ACOT7: variants seen among roughly 807,000 people sequenced by gnomAD.
ACOT7 encodes the protein acyl-CoA thioesterase 7, also known as cytosolic acyl coenzyme A thioester hydrolase.
ACOT7 carries 12 observed loss-of-function variants against 40.2 expected under a neutral mutation model. The observed-to-expected ratio is 0.30, with a 90% CI of 0.19 to 0.48. The LOEUF (loss-of-function observed/expected upper bound fraction) is 0.48. Ranked by LOEUF, ACOT7 falls within the 20% of genes least tolerant of loss-of-function variation. The probability of loss-of-function intolerance (pLI) is 0.99; values close to 1 mark genes in which losing one functional copy is unlikely to be tolerated. For missense variants in ACOT7, 395 were observed against 530.8 expected (o/e 0.74, Z 2.51); for synonymous variants, 228 against 219.5 (o/e 1.04, Z -0.34).
At chr1:6,334,040 C>T (rs1488081668) in intron 3 of ACOT7, among the ~76,000 whole-genome samples, 1 of 152,228 alleles carries the variant, frequency 6.6e-6, no homozygotes, top group Non-Finnish European at 1.5e-5. Flanking sequence ...CTGCAGGCAA[C>T]CTCCTCTTCC....
chr1:6,357,515 G>A (rs1388327605), intron 1 of ACOT7, among the ~76,000 whole-genome samples: 3 of 152,244 alleles, frequency 2.0e-5, no homozygotes, highest in Non-Finnish European at 4.4e-5. Context: ...GGAAAGCTGG[G>A]TGGGACAGAG....
intron 1 of ACOT7, among the ~76,000 whole-genome samples, chr1:6,390,802 G>A (rs1459015987): frequency 1.1e-4 from 16 of 151,222 alleles, no homozygotes; most frequent in Admixed American, 8.6e-4. Context: ...CAGACATGAT[G>A]GCGGGTACCT....
chr1:6,345,920 C>T (rs151014450), intron 2 of ACOT7, among the ~76,000 whole-genome samples: 25 of 152,324 alleles, frequency 1.6e-4, no homozygotes, highest in South Asian at 1.0e-3. Context: ...GTGCCAGGCC[C>T]GAGCTCCCAG....
intron 8 of ACOT7, 116 bp downstream of exon 8, chr1:6,280,986 A>AC (rs1639339687): frequency 9.3e-6 from 13 of 1,393,278 alleles, no homozygotes; most frequent in South Asian, 1.3e-5. Context: ...CCCTACTCTG[A>AC]CCCCTACTGA....
At chr1:6,350,389 G>A (rs138323972) in intron 1 of ACOT7, among the ~76,000 whole-genome samples, 8 of 152,342 alleles carry the variant, frequency 5.3e-5, no homozygotes, top group East Asian at 1.9e-4. Flanking sequence ...TGCCCACTGC[G>A]CGCTAAGCTC....
chr1:6,358,851 C>T lies in ACOT7; in HGVS notation c.144-8985G>A, dbSNP rs575659403. 63 of 1,613,928 alleles carry T rather than the reference C, an allele frequency of 3.9e-5. No homozygotes were observed. Among genetic ancestry groups the T allele is most frequent in the East Asian group, 3.6e-4 (16 of 44,866 alleles). On this transcript the variant is annotated intron_variant, in intron 1 of 8. Transcript: ENST00000361521. This position sits in a 1 kb window ranked among gnomAD's most constrained non-coding sequence, Gnocchi z 4.1. Reference sequence around the variant, plus strand: ...CTGCTCAGCTGGAAAGCCATGGTGGCTAGGACATCCCAGGATCAGATGCAG... The same window carrying T: ...CTGCTCAGCTGGAAAGCCATGGTGGTTAGGACATCCCAGGATCAGATGCAG...
chr1:6,368,394 C>T (rs1401716283), intron 1 of ACOT7, among the ~76,000 whole-genome samples: 1 of 152,194 alleles, frequency 6.6e-6, no homozygotes, highest in Non-Finnish European at 1.5e-5. Flanking sequence ...GCCGCTCCCA[C>T]TTCCCGCCCC....
intron 3 of ACOT7, among the ~76,000 whole-genome samples, chr1:6,335,515 T>G (rs934787408): frequency 6.6e-6 from 1 of 151,918 alleles, no homozygotes; most frequent in African/African-American, 2.4e-5. Flanking sequence ...AAAAGTGGCT[T>G]CTTCAATGTG....
intron 7 of ACOT7, 152 bp from the exon 8 acceptor site, chr1:6,281,438 T>C: frequency 1.5e-6 from 1 of 671,354 alleles, no homozygotes; most frequent in Non-Finnish European, 2.6e-6. Flanking sequence ...AATATTAGAA[T>C]GTGTCGTTAG....
intron 8 of ACOT7, among the ~76,000 whole-genome samples, chr1:6,265,861 C>T (rs754113861): frequency 2.0e-5 from 3 of 152,192 alleles, no homozygotes; most frequent in African/African-American, 7.2e-5. Context: ...TATTTTTGGG[C>T]CTAAGTGTTT....
intron 8 of ACOT7, among the ~76,000 whole-genome samples, chr1:6,276,395 ACG>A (rs983003585): frequency 7.9e-5 from 12 of 152,020 alleles, no homozygotes; most frequent in Admixed American, 6.6e-4. Flanking sequence ...GCCTGCCTCT[ACG>A]CGCTGAGTTG....
intron 6 of ACOT7, 122 bp from the exon 7 acceptor site, chr1:6,295,102 A>T: frequency 2.0e-5 from 13 of 661,688 alleles, no homozygotes; most frequent in Admixed American, 2.4e-5. Context: ...GGCCGCAGCC[A>T]GCAGGGGTGC....
At chr1:6,369,398 CTTTTTTTT>C (rs60404741) in intron 1 of ACOT7, among the ~76,000 whole-genome samples, 3 of 100,912 alleles carry the variant, frequency 3.0e-5, no homozygotes, top group East Asian at 2.9e-4. Context: ...AAATGCATTT[CTTTTTTTT>C]TTTTTTTTTT....
intron 6 of ACOT7, among the ~76,000 whole-genome samples, chr1:6,310,064 T>C (rs1055687179): frequency 5.9e-5 from 9 of 152,128 alleles, no homozygotes; most frequent in African/African-American, 2.2e-4. Context: ...CTTCAGAAGT[T>C]AGGACAAGGA....
intron 4 of ACOT7, among the ~76,000 whole-genome samples, chr1:6,331,254 G>A (rs1322323803): frequency 6.6e-6 from 1 of 152,184 alleles, no homozygotes; most frequent in African/African-American, 2.4e-5. Flanking sequence ...AAATGCAAAT[G>A]CTCCAAAAAC....
At chr1:6,342,778 G>C (rs769421451) in intron 2 of ACOT7, among the ~76,000 whole-genome samples, 11 of 152,124 alleles carry the variant, frequency 7.2e-5, no homozygotes, top group Non-Finnish European at 1.5e-4. Flanking sequence ...TCTGCATTTG[G>C]GATTATTTTC....
chr1:6,280,997 C>T, intron 8 of ACOT7, 105 bp downstream of exon 8: 1 of 1,453,172 alleles, frequency 6.9e-7, no homozygotes, highest in Non-Finnish European at 9.3e-7. Context: ...CCCCTACTGA[C>T]AGGACAGGAC....
chr1:6,272,389 G>A (rs1042534951), intron 8 of ACOT7, among the ~76,000 whole-genome samples: 33 of 149,056 alleles, frequency 2.2e-4, no homozygotes, highest in Admixed American at 2.0e-3. Flanking sequence ...AATTCCAGGG[G>A]GCTCAGACCA....
chr1:6,318,634 A>T lies in ACOT7; in HGVS notation c.626-56T>A, dbSNP rs1051328261. 5 of 1,572,200 alleles carry T rather than the reference A, an allele frequency of 3.2e-6. No individual in the cohort carries two copies. The African/African-American group carries it at 6.7e-5, about 21-fold the overall frequency. On this transcript the variant is annotated intron_variant, in intron 5 of 8. Coordinates refer to ENST00000361521, the MANE Select transcript of ACOT7 (RefSeq NM_007274.4). The stretch of plus-strand genomic sequence containing the variant: ...GGGGTAGGCTGATTCCCACAGCTGA[A>T]TGGTCTGGCAATGCCGAAACCACCC...
Sources: gnomAD v4.1 joint callset for allele counts (sites outside exome capture counted in the v4.1 genomes callset) on GRCh38, gnomAD v4.1.1 for gene constraint, Gnocchi (gnomAD v3.1) non-coding constraint, MANE v1.5 for transcripts, NCBI Gene and HGNC (gene_info 2026-07-23, HGNC 2026-07-21) for gene names.